The following GGNBP2 variants were observed in gnomAD, a reference collection of about 807,000 sequenced individuals.
The protein encoded by GGNBP2 is gametogenetin-binding protein 2.
A neutral mutation model predicts 85.9 loss-of-function variants in GGNBP2; 10 were observed. The ratio of observed to expected loss-of-function variants is 0.12; its 90% CI spans 0.07 to 0.20. The LOEUF is 0.20. Among genes scored for constraint, GGNBP2 ranks in the 10% least tolerant of loss-of-function variants. GGNBP2 has a pLI of 1.00. For missense variants in GGNBP2, 595 were observed against 857.8 expected, an observed-to-expected ratio of 0.69 and a Z score of 3.83; for synonymous variants, 287 against 285.7, an observed-to-expected ratio of 1.00 and a Z score of -0.05.
chr17:36,573,081 G>A (rs2074542514), intron 6 of GGNBP2, among the ~76,000 whole-genome samples: 1 of 151,986 alleles, frequency 6.6e-6, no homozygotes, highest in African/African-American at 2.4e-5. Context: ...TTAAAAATGG[G>A]CAGTGTCATA....
chr17:36,554,801 G>A lies in GGNBP2; in HGVS notation c.94-19G>A, dbSNP rs199675142. The A allele has an allele frequency of 7.2e-5, 107 of 1,495,016 alleles. 1 individual carries two copies. In the African/African-American group the frequency reaches 9.0e-4, roughly 13 times the overall value. The allele number at this position is 1,495,016 out of a possible 1,614,324, so 92.6% of individuals were successfully genotyped here. A position where few individuals can be genotyped will look rare whatever the true frequency, so the allele number is the denominator to read the frequency against. Reference sequence around the variant, plus strand: ...CAGAGGGGTAAAGTAATTGATTTCCGTTCTGTTTGCATTTTAAGATGGTGA... The same window carrying A: ...CAGAGGGGTAAAGTAATTGATTTCCATTCTGTTTGCATTTTAAGATGGTGA... On this transcript the variant is annotated intron_variant, in intron 2 of 13. Coordinates refer to ENST00000613102, the MANE Select transcript of GGNBP2 (RefSeq NM_024835.5).
At chr17:36,560,654 G>A (rs2074408517) in intron 4 of GGNBP2, 119 bp from the exon 5 acceptor site, 1 of 596,774 alleles carries the variant, frequency 1.7e-6, no homozygotes, top group Non-Finnish European at 2.9e-6. Context: ...AGTGGGGATA[G>A]AGAAAAGTGG....
intron 3 of GGNBP2, among the ~76,000 whole-genome samples, chr17:36,556,751 C>CTTTTTTTTTTTT (rs10544073): frequency 3.8e-5 from 2 of 52,822 alleles, no homozygotes; most frequent in Non-Finnish European, 7.4e-5. Context: ...CTGTATTGTG[C>CTTTTTTTTTTTT]TTTTTTTTTT....
chr17:36,556,911 C>T (rs1261558319), intron 3 of GGNBP2, among the ~76,000 whole-genome samples, 172 bp from the exon 4 acceptor site: 1 of 151,788 alleles, frequency 6.6e-6, no homozygotes, highest in Non-Finnish European at 1.5e-5. Flanking sequence ...GAGGAAATTC[C>T]GTACAGCATG....
rs759235361 is a variant in GGNBP2, at chr17:36,587,228, A to G, written c.1873A>G (p.Ser625Gly). Residue 625 changes from serine to glycine, a missense_variant, in exon 13 of 14, where the codon AGC becomes GGC. Ser to Gly is a moderately conservative substitution (Grantham distance 56). This residue lies in a region of GGNBP2 where 120 missense variants were observed against 126.3 expected (regional missense o/e 0.95). Coordinates refer to ENST00000613102, the MANE Select transcript of GGNBP2 (RefSeq NM_024835.5). ...TCCCGATTCCGGAAAAGGTGCCAAG[A>G]GCTTAGTTGAACTCCTTGTAAGTAT... The part of the protein sequence containing the change: ...FGPDSGKGAK[S>G]LVELLDESEC... The G allele has an allele frequency of 1.2e-6, 2 of 1,614,084 alleles. No individual in the cohort carries two copies. Among genetic ancestry groups the G allele is most frequent in the Admixed American group, 3.3e-5 (2 of 60,010 alleles).
Position 36,585,962 on chromosome 17 carries a change from C to A in GGNBP2, c.1489C>A (p.His497Asn), listed in dbSNP as rs1323843433. 2 of 1,614,048 alleles carry A rather than the reference C, an allele frequency of 1.2e-6. No individual in the cohort carries two copies. The highest frequency in any genetic ancestry group is 3.3e-5 in the Admixed American group (2 of 60,002). Reference sequence around the variant, plus strand: ...TGAAGGCATTTGTAATCATGATGAACACGGTAGGCTCACATTAAGTTTCCC... The same window carrying A: ...TGAAGGCATTTGTAATCATGATGAAAACGGTAGGCTCACATTAAGTTTCCC... ...CTEGICNHDE[H>N]GDDSCVHHCE... The change falls in exon 11 of 14, where the codon CAC becomes AAC. Residue 497 changes from histidine to asparagine, a missense_variant. Physicochemically the swap from His to Asn is moderately conservative, Grantham distance 68. Around this residue, in one of 9 missense-constraint regions of GGNBP2, gnomAD observed 35 missense variants for 49.6 expected, o/e 0.71. Coordinates refer to ENST00000613102, the MANE Select transcript of GGNBP2 (RefSeq NM_024835.5).
chr17:36,575,067 C>T, intron 6 of GGNBP2: 1 of 1,039,272 alleles, frequency 9.6e-7, no homozygotes, highest in East Asian at 2.4e-5. Context: ...TTAGTGATCT[C>T]AGATTCCTTC....
chr17:36,563,879 G>C (rs762325552), intron 5 of GGNBP2, among the ~76,000 whole-genome samples: 5 of 151,902 alleles, frequency 3.3e-5, no homozygotes, highest in Admixed American at 6.6e-5. Context: ...AAGTAGCTGG[G>C]ATTACAGGCA....
chr17:36,545,906 GAGAA>G (rs760120841), intron 2 of GGNBP2, 89 bp downstream of exon 2: 8 of 905,702 alleles, frequency 8.8e-6, no homozygotes, highest in Non-Finnish European at 1.4e-5. Flanking sequence ...CTGCGCACTG[GAGAA>G]AGAGTGTGTT....
chr17:36,548,757 A>C (rs1015951766), intron 2 of GGNBP2, among the ~76,000 whole-genome samples: 1 of 151,390 alleles, frequency 6.6e-6, no homozygotes, highest in African/African-American at 2.4e-5. Flanking sequence ...CAGCCTGGGC[A>C]ATGTGGTAAA....
At chr17:36,586,393 C>T (rs983224622) in intron 12 of GGNBP2, 195 bp downstream of exon 12, 1 of 601,612 alleles carries the variant, frequency 1.7e-6, no homozygotes, top group African/African-American at 1.8e-5. Context: ...ATTTGTGCAA[C>T]AGTCCTTGTG....
intron 6 of GGNBP2, among the ~76,000 whole-genome samples, chr17:36,575,836 G>A (rs1457280456): frequency 6.7e-6 from 1 of 149,600 alleles, no homozygotes; most frequent in Admixed American, 6.7e-5. Context: ...TAGTAGAGAC[G>A]GGGTTTCACC....
chr17:36,579,248 A>G lies in GGNBP2; in HGVS notation c.849A>G (p.Arg283=). 6.2e-7 allele frequency: 1 copy of G among 1,613,544 alleles called. No individual in the cohort carries two copies. Among genetic ancestry groups the G allele is most frequent in the Non-Finnish European group, 8.5e-7 (1 of 1,179,464 alleles). The change falls in exon 8 of 14, where the codon CGA becomes CGG. Residue 283 remains arginine (R), a synonymous_variant. Transcript: ENST00000613102. The part of the protein sequence containing the change: ...GRAEPEFAGG[R]RERHAKTIDI... ...GTGTGATTATTCCCTTTTATAGGCG[A>G]AGAGAAAGGCATGCAAAGACAATAG...
chr17:36,557,567 T>G, intron 4 of GGNBP2, among the ~76,000 whole-genome samples: 1 of 150,838 alleles, frequency 6.6e-6, no homozygotes, highest in Non-Finnish European at 1.5e-5. Flanking sequence ...GTAAGGGAGG[T>G]AGAGAATGGA....
At position 36,588,600 on chromosome 17, in the gene GGNBP2, A is replaced by ATTT. The variant is rs138773605; in HGVS notation, c.1891-607_1891-605dup. 4.7e-5 allele frequency among the ~76,000 whole-genome samples: 6 copies of ATTT among 128,794 alleles called. 2 individuals carry two copies. The highest frequency in any genetic ancestry group is 6.6e-5 in the Non-Finnish European group (4 of 60,714). The allele number at this position is 128,794 out of a possible 152,430, so 84.5% of individuals were successfully genotyped here. A position where few individuals can be genotyped will look rare whatever the true frequency, so the allele number is the denominator to read the frequency against. On this transcript the variant is annotated intron_variant, in intron 13 of 13. Transcript: ENST00000613102. ...GTTGTAAAGTTTAGTTTTAATATTTATTTATTTTTTTTTTTTGAGGAGTCT... is the reference window on the plus strand; with the variant it reads ...GTTGTAAAGTTTAGTTTTAATATTTATTTTTTATTTTTTTTTTTTGAGGAGTCT...
chr17:36,570,995 G>C (rs926711544), intron 6 of GGNBP2, among the ~76,000 whole-genome samples: 1 of 152,208 alleles, frequency 6.6e-6, no homozygotes, highest in Admixed American at 6.5e-5. Flanking sequence ...ACTCAAGCCT[G>C]GGTGACAGAG....
At position 36,547,541 on chromosome 17, in the gene GGNBP2, C is replaced by G. The variant is rs1464618465; in HGVS notation, c.93+1724C>G. 3.3e-5 allele frequency: 5 copies of G among 152,214 alleles called. No individual in the cohort carries two copies. In the East Asian group the frequency reaches 9.6e-4, roughly 29 times the overall value. The allele number at this position is 152,214 out of a possible 1,614,324, so 9.4% of individuals were successfully genotyped here. A position where few individuals can be genotyped will look rare whatever the true frequency, so the allele number is the denominator to read the frequency against. Reference sequence around the variant, plus strand: ...GCACATTAATACATCTGTCATATAGCACTTTAAAATGGCCAACTTTTTAAG... The same window carrying G: ...GCACATTAATACATCTGTCATATAGGACTTTAAAATGGCCAACTTTTTAAG... On this transcript the variant is annotated intron_variant, in intron 2 of 13. Coordinates refer to ENST00000613102, the MANE Select transcript of GGNBP2 (RefSeq NM_024835.5).
At chr17:36,564,792 T>C (rs2074452996) in intron 5 of GGNBP2, among the ~76,000 whole-genome samples, 1 of 152,128 alleles carries the variant, frequency 6.6e-6, no homozygotes, top group Admixed American at 6.6e-5. Context: ...TTAATTTGTT[T>C]AGTCTATTTC....
intron 5 of GGNBP2, among the ~76,000 whole-genome samples, chr17:36,566,122 C>T (rs373819826): frequency 4.6e-5 from 7 of 152,124 alleles, no homozygotes; most frequent in South Asian, 2.1e-4. Context: ...CCGTCTCTGG[C>T]GTCCAAGGTG....
Sources: allele counts gnomAD v4.1 joint callset (sites outside exome capture counted in the v4.1 genomes callset), GRCh38; gene constraint gnomAD v4.1.1; regional missense constraint gnomAD v4.1.1; transcripts MANE v1.5; gene names NCBI Gene and HGNC (gene_info 2026-07-23, HGNC 2026-07-21).